ITGA8: variants seen among roughly 807,000 people sequenced by gnomAD.
ITGA8 encodes the protein integrin subunit alpha 8.
A neutral mutation model predicts 142.3 loss-of-function variants in ITGA8; 91 were observed. That is an observed-to-expected ratio of 0.64 (90% CI 0.54 to 0.76). The LOEUF is 0.76. ITGA8 is among the 30% of genes least tolerant of loss of function. ITGA8 has a pLI of 0.00. For synonymous variants in ITGA8, 505 were observed against 485.2 expected, an observed-to-expected ratio of 1.04 and a Z score of -0.54; for missense variants, 1,406 against 1,327.7, an observed-to-expected ratio of 1.06 and a Z score of -0.92.
intron 27 of ITGA8, among the ~76,000 whole-genome samples, chr10:15,544,012 G>A (rs1344664465): frequency 2.6e-5 from 4 of 152,278 alleles, no homozygotes; most frequent in African/African-American, 7.2e-5. Flanking sequence ...AAGCTAGGAG[G>A]GGCCAGGCCT....
chr10:15,583,052 A>G (rs923967688), intron 23 of ITGA8, among the ~76,000 whole-genome samples: 8 of 152,254 alleles, frequency 5.3e-5, no homozygotes, highest in African/African-American at 1.9e-4. Context: ...ACATCCATCC[A>G]TACAATGGAA....
intron 9 of ITGA8, among the ~76,000 whole-genome samples, chr10:15,660,436 G>A (rs1043283349): frequency 6.6e-6 from 1 of 152,154 alleles, no homozygotes. Flanking sequence ...GAATCGGGAG[G>A]AAGAACCCCT....
At chr10:15,600,305 G>A (rs1588667452) in intron 20 of ITGA8, among the ~76,000 whole-genome samples, 1 of 152,036 alleles carries the variant, frequency 6.6e-6, no homozygotes, top group Non-Finnish European at 1.5e-5. Context: ...CCAGTTCATA[G>A]CAGTTGTTCA....
intron 4 of ITGA8, among the ~76,000 whole-genome samples, chr10:15,680,981 C>A (rs149098236): frequency 7.9e-5 from 12 of 151,822 alleles, no homozygotes; most frequent in Non-Finnish European, 1.6e-4. Context: ...CTAGAGTGAA[C>A]TCAGGAATCC....
chr10:15,655,261 G>A, intron 11 of ITGA8, 93 bp downstream of exon 11: 1 of 811,864 alleles, frequency 1.2e-6, no homozygotes, highest in Non-Finnish European at 2.0e-6. Context: ...TCTTGTTGAG[G>A]CAATAAGGAA....
intron 22 of ITGA8, among the ~76,000 whole-genome samples, chr10:15,587,419 T>C (rs1832852726): frequency 1.3e-5 from 2 of 152,194 alleles, no homozygotes; most frequent in South Asian, 4.1e-4. Flanking sequence ...TGCAGAGAAA[T>C]ACATAATCGA....
At position 15,719,730 on chromosome 10, in the gene ITGA8, C is replaced by G. The variant is rs899599980; in HGVS notation, c.42G>C (p.Ala14=). ...GASRGPRGSQ[A]PLIAPLCCAA... ...CGCAGCAGAGGGGCGCGATCAGCGG[C>G]GCCTGGCTTCCCCGGGGACCGCGGC... Residue 14 remains alanine, a synonymous_variant, in exon 1 of 30, where the codon GCG becomes GCC. Coordinates refer to ENST00000378076, the MANE Select transcript of ITGA8 (RefSeq NM_003638.3). 1.5e-6 allele frequency: 2 copies of G among 1,378,074 alleles called. No homozygotes were observed. The highest frequency in any genetic ancestry group is 7.8e-5 in the Admixed American group (2 of 25,584). The allele number at this position is 1,378,074 out of a possible 1,614,324, so 85.4% of individuals were successfully genotyped here. A position where few individuals can be genotyped will look rare whatever the true frequency, so the allele number is the denominator to read the frequency against.
At chr10:15,523,051 T>A (rs1833100005) in intron 28 of ITGA8, among the ~76,000 whole-genome samples, 1 of 152,106 alleles carries the variant, frequency 6.6e-6, no homozygotes, top group Non-Finnish European at 1.5e-5. Flanking sequence ...AGTTCCTGCC[T>A]ACTATTTTAT....
rs544387532 is a variant in ITGA8 at position 15,565,944 on chromosome 10, CAGAG to C, written c.2637+6263_2637+6266del. Among the ~76,000 whole-genome samples the C allele has an allele frequency of 5.0e-3, 758 of 152,014 alleles. 5 individuals carry two copies. The highest frequency in any genetic ancestry group is 7.0e-3 in the Non-Finnish European group (473 of 67,984). On this transcript the variant is annotated intron_variant, in intron 25 of 29. Coordinates refer to ENST00000378076, the MANE Select transcript of ITGA8 (RefSeq NM_003638.3). ...TGTGTGCGCACGCGTGAGTGAGAGA[CAGAG>C]GGAAAGAGGTCAAGAACTGTTGTGC...
chr10:15,608,381 T>C (rs566082281), intron 15 of ITGA8, 91 bp from the exon 16 acceptor site: 3 of 717,726 alleles, frequency 4.2e-6, no homozygotes, highest in South Asian at 3.4e-5. Context: ...ACGAATATCA[T>C]TTTCTCTATA....
At chr10:15,652,328 G>A (rs1228986015) in intron 11 of ITGA8, among the ~76,000 whole-genome samples, 2 of 152,228 alleles carry the variant, frequency 1.3e-5, no homozygotes. Flanking sequence ...AACAGGAGTG[G>A]CCTGTGGAAG....
chr10:15,589,181 G>A (rs2131594352), intron 22 of ITGA8, among the ~76,000 whole-genome samples: 1 of 152,316 alleles, frequency 6.6e-6, no homozygotes, highest in African/African-American at 2.4e-5. Context: ...ACTATGGATA[G>A]ACATGTTTTT....
At chr10:15,613,216 T>TTCAAG (rs1833332195) in intron 15 of ITGA8, among the ~76,000 whole-genome samples, 1 of 151,664 alleles carries the variant, frequency 6.6e-6, no homozygotes, top group African/African-American at 2.4e-5. Flanking sequence ...CAGGACATTA[T>TTCAAG]ATGTGCTTGA....
rs182182525 is a variant in ITGA8, at chr10:15,701,877, A to T, written c.344-13839T>A. On this transcript the variant is annotated intron_variant, in intron 2 of 29. Coordinates refer to ENST00000378076, the MANE Select transcript of ITGA8 (RefSeq NM_003638.3). ...AGAAATCCTTAACCATTTGTTTATA[A>T]TCTTTATCATAGTCAAATTTATGCT... Among the ~76,000 whole-genome samples the T allele has an allele frequency of 4.6e-3, 696 of 152,280 alleles. 5 individuals are homozygous for T. The highest frequency in any genetic ancestry group is 4.9e-3 in the Non-Finnish European group (336 of 68,026).
chr10:15,660,879 A>G lies in ITGA8; in HGVS notation c.891T>C (p.Tyr297=). 6.2e-7 allele frequency: 1 copy of G among 1,613,194 alleles called. No homozygotes were observed. Among genetic ancestry groups the G allele is most frequent in the Non-Finnish European group, 8.5e-7 (1 of 1,179,254 alleles). The stretch of plus-strand genomic sequence containing the variant: ...CCTGTAATGCATTCTCAGTACTCAC[A>G]TATCCAAAATTCTGTGCTCCTCTTG... ...GIPRGAQNFG[Y]VSIINSTDMT... is the part of the protein sequence containing the mutation. Residue 297 remains tyrosine, a splice_region_variant and synonymous_variant, in exon 9 of 30, where the codon TAT becomes TAC. Coordinates refer to ENST00000378076, the MANE Select transcript of ITGA8 (RefSeq NM_003638.3).
chr10:15,670,964 A>T (rs1834503974), intron 8 of ITGA8, among the ~76,000 whole-genome samples: 1 of 152,164 alleles, frequency 6.6e-6, no homozygotes, highest in Non-Finnish European at 1.5e-5. Context: ...CACCGTCATC[A>T]TCCCAGGCTC....
At chr10:15,615,225 C>A (rs1833370817) in intron 14 of ITGA8, among the ~76,000 whole-genome samples, 1 of 152,200 alleles carries the variant, frequency 6.6e-6, no homozygotes, top group Admixed American at 6.5e-5. Flanking sequence ...TGGTGCACTC[C>A]ACAGCCACCG....
At chr10:15,631,366 C>A (rs1833682052) in intron 13 of ITGA8, among the ~76,000 whole-genome samples, 2 of 151,932 alleles carry the variant, frequency 1.3e-5, no homozygotes, top group South Asian at 4.1e-4. Flanking sequence ...CGCATATACA[C>A]CATGGAATAC....
intron 12 of ITGA8, among the ~76,000 whole-genome samples, chr10:15,646,369 TG>T: frequency 6.6e-6 from 1 of 152,220 alleles, no homozygotes; most frequent in Non-Finnish European, 1.5e-5. Context: ...CTGGAGTGCC[TG>T]TGGCCTTCCA....
Sources: allele counts gnomAD v4.1 joint callset (sites outside exome capture counted in the v4.1 genomes callset), GRCh38; gene constraint gnomAD v4.1.1; transcripts MANE v1.5; gene names NCBI Gene and HGNC (gene_info 2026-07-23, HGNC 2026-07-21).